ACTG2: variants seen among roughly 807,000 people sequenced by gnomAD.
ACTG2 encodes the protein actin gamma 2, smooth muscle.
A neutral mutation model predicts 37.6 loss-of-function variants in ACTG2; 16 were observed. That is an observed-to-expected ratio of 0.43 (90% CI 0.29 to 0.65). The LOEUF is 0.65. Among genes scored for constraint, ACTG2 ranks in the 30% least tolerant of loss-of-function variants. ACTG2 has a pLI of 0.18. For missense variants in ACTG2, 238 were observed against 490.9 expected, an observed-to-expected ratio of 0.48 and a Z score of 4.87; for synonymous variants, 181 against 179.9, an observed-to-expected ratio of 1.01 and a Z score of -0.05.
intron 8 of ACTG2, among the ~76,000 whole-genome samples, chr2:73,918,657 T>A (rs1020146896): frequency 6.6e-6 from 1 of 152,202 alleles, no homozygotes; most frequent in African/African-American, 2.4e-5. Flanking sequence ...GACCTGACAA[T>A]CAATTTCTAA....
chr2:73,897,565 G>T (rs532908650), intron 1 of ACTG2, among the ~76,000 whole-genome samples: 6 of 152,206 alleles, frequency 3.9e-5, no homozygotes, highest in African/African-American at 7.2e-5. Context: ...GTATCCCAGA[G>T]GCAGAGCACA....
chr2:73,897,992 A>G (rs1679786029), intron 1 of ACTG2, among the ~76,000 whole-genome samples: 1 of 152,268 alleles, frequency 6.6e-6, no homozygotes, highest in Non-Finnish European at 1.5e-5. Flanking sequence ...TTCAAACCAT[A>G]GCACCGCCTG....
At chr2:73,894,888 A>G (rs1679709371) in intron 1 of ACTG2, among the ~76,000 whole-genome samples, 1 of 152,160 alleles carries the variant, frequency 6.6e-6, no homozygotes, top group South Asian at 2.1e-4. Flanking sequence ...GGATCAGGCT[A>G]TGGGGAGCCA....
At chr2:73,911,150 A>C (rs996359506) in intron 5 of ACTG2, among the ~76,000 whole-genome samples, 2 of 152,214 alleles carry the variant, frequency 1.3e-5, no homozygotes, top group Non-Finnish European at 2.9e-5. Context: ...TTTACAGTCA[A>C]CTTTTTATTT....
chr2:73,895,913 T>C (rs1386939874), intron 1 of ACTG2, among the ~76,000 whole-genome samples: 1 of 152,210 alleles, frequency 6.6e-6, no homozygotes, highest in East Asian at 1.9e-4. Context: ...AAAGCAGCCA[T>C]AGATAATATG....
chr2:73,908,603 T>C (rs1680063372), intron 3 of ACTG2, 70 bp from the exon 4 acceptor site: 3 of 1,293,940 alleles, frequency 2.3e-6, no homozygotes, highest in Non-Finnish European at 3.3e-6. Flanking sequence ...TCTCCCAGCA[T>C]GGGAATGTCA....
chr2:73,912,493 G>A (rs770619580), intron 5 of ACTG2, among the ~76,000 whole-genome samples: 1 of 152,168 alleles, frequency 6.6e-6, no homozygotes, highest in Non-Finnish European at 1.5e-5. Flanking sequence ...TAATAGCCAC[G>A]TGGTAGTCGT....
chr2:73,914,978 A>G (rs1680227575), intron 7 of ACTG2, 107 bp downstream of exon 7: 2 of 961,128 alleles, frequency 2.1e-6, no homozygotes, highest in South Asian at 4.4e-5. Flanking sequence ...TGTTAATTAC[A>G]TACACGTACC....
At chr2:73,902,656 A>G (rs1442904601) in intron 3 of ACTG2, 168 bp downstream of exon 3, 3 of 1,552,080 alleles carry the variant, frequency 1.9e-6, no homozygotes, top group Middle Eastern at 3.3e-4. Context: ...TAGGCTGCCA[A>G]CATCTCTCCC....
intron 2 of ACTG2, 126 bp downstream of exon 2, chr2:73,901,563 TGTGTGTGTGTGTGTGTGTCTGTGC>T (rs1338171295): frequency 0.027 from 2,832 of 104,012 alleles, 154 homozygotes; most frequent in Non-Finnish European, 0.036. Context: ...TGTGTGTGTG[TGTGTGTGTGTGTGTGTGTCTGTGC>T]GTGTGTGTGT....
intron 7 of ACTG2, 27 bp downstream of exon 7, chr2:73,914,898 A>T: frequency 2.0e-6 from 3 of 1,500,296 alleles, no homozygotes; most frequent in Non-Finnish European, 2.7e-6. Context: ...AGTCCCTGCC[A>T]ATCTCAGGAG....
intron 1 of ACTG2, among the ~76,000 whole-genome samples, chr2:73,898,393 G>T (rs1217226319): frequency 2.1e-5 from 2 of 94,294 alleles, no homozygotes; most frequent in Admixed American, 1.3e-4. Flanking sequence ...TTTCTCCATT[G>T]TATGGAGGCT....
At chr2:73,909,012 T>C (rs1680073348) in intron 4 of ACTG2, 43 bp from the exon 5 acceptor site, 3 of 1,578,392 alleles carry the variant, frequency 1.9e-6, no homozygotes, top group South Asian at 2.2e-5. Context: ...AGAAGTGCTG[T>C]GATTTTTGCC....
intron 3 of ACTG2, among the ~76,000 whole-genome samples, chr2:73,904,470 C>T (rs534476830): frequency 1.4e-4 from 21 of 151,510 alleles, no homozygotes; most frequent in Non-Finnish European, 2.4e-4. Flanking sequence ...CCAGCCTGGC[C>T]AACCAACATG....
intron 5 of ACTG2, 94 bp downstream of exon 5, chr2:73,909,233 G>A (rs1425197138): frequency 2.5e-6 from 3 of 1,195,196 alleles, no homozygotes; most frequent in Non-Finnish European, 3.7e-6. Flanking sequence ...AGAATCAAAT[G>A]GACAGCTGAA....
chr2:73,912,204 C>T (rs1680154142), intron 5 of ACTG2, among the ~76,000 whole-genome samples: 1 of 152,250 alleles, frequency 6.6e-6, no homozygotes, highest in African/African-American at 2.4e-5. Context: ...GTTGCCAAGA[C>T]TGGAATGCAA....
chr2:73,906,693 G>T (rs1332258346), intron 3 of ACTG2, among the ~76,000 whole-genome samples: 1 of 151,986 alleles, frequency 6.6e-6, no homozygotes, highest in Non-Finnish European at 1.5e-5. Context: ...ACCCAGGCTG[G>T]TCTCCAACCC....
intron 3 of ACTG2, among the ~76,000 whole-genome samples, chr2:73,904,674 T>A (rs1205776312): frequency 6.7e-6 from 1 of 148,958 alleles, no homozygotes; most frequent in Non-Finnish European, 1.5e-5. Context: ...TTTTTAAAAA[T>A]GTATATATGT....
intron 3 of ACTG2, among the ~76,000 whole-genome samples, chr2:73,904,805 A>G (rs1458410764): frequency 6.2e-4 from 72 of 116,348 alleles, no homozygotes; most frequent in African/African-American, 2.5e-3. Flanking sequence ...ATATATATAT[A>G]TATATATATA....
Sources: gnomAD v4.1 joint callset for allele counts (sites outside exome capture counted in the v4.1 genomes callset) on GRCh38, gnomAD v4.1.1 for gene constraint, MANE v1.5 for transcripts, NCBI Gene and HGNC (gene_info 2026-07-23, HGNC 2026-07-21) for gene names.